Variants in SFMBT2 observed in about 807,000 individuals in gnomAD.
The protein encoded by SFMBT2 is Scm like with four mbt domains 2.
SFMBT2 carries 38 observed loss-of-function variants against 110.1 expected under a neutral mutation model. The ratio of observed to expected loss-of-function variants is 0.35; its 90% CI spans 0.27 to 0.45. The LOEUF (loss-of-function observed/expected upper bound fraction) is 0.45, where lower values mean the gene tolerates loss of function less well. SFMBT2 is among the 20% of genes least tolerant of loss of function. The pLI, the probability that SFMBT2 is intolerant of heterozygous loss-of-function variation, is 1.00. For missense variants in SFMBT2, 1,011 were observed against 1,094.9 expected (o/e 0.92, Z 1.08); for synonymous variants, 425 against 425.4 (o/e 1.00, Z 0.01).
At position 7,199,005 on chromosome 10, in the gene SFMBT2, G is replaced by T. The variant is rs995194195; in HGVS notation, c.1559-1318C>A. Among the ~76,000 whole-genome samples, 9 of 152,292 alleles carry T rather than the reference G, an allele frequency of 5.9e-5. No individual in the cohort carries two copies. In the East Asian group the frequency reaches 7.7e-4, roughly 13 times the overall value. ...TGTTTTGTTTTGTTTTTGAGACAGGGTCTCACTTTGTTGCCCAGGCTGGAA... is the reference window on the plus strand; with the variant it reads ...TGTTTTGTTTTGTTTTTGAGACAGGTTCTCACTTTGTTGCCCAGGCTGGAA... On this transcript the variant is annotated intron_variant, in intron 14 of 20. Coordinates refer to ENST00000397167, the MANE Select transcript of SFMBT2 (RefSeq NM_001387889.1).
At chr10:7,261,757 T>C (rs960674148) in intron 7 of SFMBT2, among the ~76,000 whole-genome samples, 2 of 152,252 alleles carry the variant, frequency 1.3e-5, no homozygotes, top group Non-Finnish European at 2.9e-5. Flanking sequence ...CATATATTCA[T>C]GTAAAGGTTT....
chr10:7,380,473 G>A (rs1478348269), intron 2 of SFMBT2, among the ~76,000 whole-genome samples: 1 of 152,152 alleles, frequency 6.6e-6, no homozygotes, highest in Non-Finnish European at 1.5e-5. Flanking sequence ...CCTGTAATCT[G>A]TCATTGACTA....
At chr10:7,204,865 C>G (rs1355119177) in intron 12 of SFMBT2, 1 of 895,398 alleles carries the variant, frequency 1.1e-6, no homozygotes, top group Non-Finnish European at 1.3e-6. Context: ...AAGAGCGAAA[C>G]TCCATCTTTA....
At chr10:7,319,378 C>G (rs1393205055) in intron 4 of SFMBT2, among the ~76,000 whole-genome samples, 1 of 152,158 alleles carries the variant, frequency 6.6e-6, no homozygotes, top group Admixed American at 6.5e-5. Flanking sequence ...TGTCACAGAG[C>G]TGCAAACACA....
intron 1 of SFMBT2, among the ~76,000 whole-genome samples, chr10:7,402,286 CA>C (rs1360925592): frequency 1.3e-5 from 2 of 152,222 alleles, no homozygotes; most frequent in South Asian, 4.1e-4. Context: ...GTCCCAGTGC[CA>C]AAAGCTTAAG....
intron 1 of SFMBT2, among the ~76,000 whole-genome samples, chr10:7,400,274 G>A (rs1846038539): frequency 6.6e-6 from 1 of 152,174 alleles, no homozygotes; most frequent in African/African-American, 2.4e-5. Context: ...CCAGCTCTCT[G>A]GGAAGCGCAC....
At chr10:7,213,160 T>A (rs1353894856) in intron 11 of SFMBT2, among the ~76,000 whole-genome samples, 1 of 152,054 alleles carries the variant, frequency 6.6e-6, no homozygotes, top group Non-Finnish European at 1.5e-5. Flanking sequence ...GACGGGTTGA[T>A]GGGTGCAGCA....
At position 7,165,145 on chromosome 10, in the gene SFMBT2, C is replaced by G. The variant is rs1482294156; in HGVS notation, c.2545-1235G>C. On this transcript the variant is annotated intron_variant, in intron 20 of 20. Coordinates refer to ENST00000397167, the MANE Select transcript of SFMBT2 (RefSeq NM_001387889.1). ...AGTCACTGAGGGGTCTGAGAGATTG[C>G]AGGCCCCAGGCAATGATGATCAGTG... is the stretch of plus-strand genomic sequence containing the variant. Among the ~76,000 whole-genome samples the G allele has an allele frequency of 2.0e-5, 3 of 152,140 alleles. No homozygotes were observed. The East Asian group carries it at 5.8e-4, about 29-fold the overall frequency.
Position 7,170,992 on chromosome 10 carries a change from G to A in SFMBT2, c.2480C>T (p.Thr827Ile), listed in dbSNP as rs748417020. The change falls in exon 20 of 21, where the codon ACC (threonine) becomes ATC (isoleucine). Residue 827 changes from threonine to isoleucine, a missense_variant. By Grantham distance (89) the Thr-to-Ile change is moderately conservative (BLOSUM62 -1). Coordinates refer to ENST00000397167, the MANE Select transcript of SFMBT2 (RefSeq NM_001387889.1). The surrounding 1 kb of genome is among the most constrained non-coding windows in gnomAD (Gnocchi z 4.6). ...LESNPLEWTVTDVVRFIKLTD... is the reference protein window; with the variant it reads ...LESNPLEWTVIDVVRFIKLTD... ...CAGCTTAATGAACCTCACCACGTCG[G>A]TGACCGTCCACTCCAACGGGTTGCT... 3.3e-5 allele frequency: 54 copies of A among 1,614,072 alleles called. No homozygotes were observed. The highest frequency in any genetic ancestry group is 4.4e-5 in the Non-Finnish European group (52 of 1,180,042).
rs1444590752 is a variant in SFMBT2, at chr10:7,161,170, C to T, written c.*2600G>A. The T allele has an allele frequency of 1.3e-5, 2 of 152,236 alleles. No individual in the cohort carries two copies. Among genetic ancestry groups the T allele is most frequent in the Non-Finnish European group, 2.9e-5 (2 of 68,050 alleles). The allele number at this position is 152,236 out of a possible 1,614,324, so 9.4% of individuals were successfully genotyped here. On this transcript the variant is annotated 3_prime_UTR_variant, in exon 21 of 21. Coordinates refer to ENST00000397167, the MANE Select transcript of SFMBT2 (RefSeq NM_001387889.1). ...CCCCTGCGACAGTGGCTGTATCCTT[C>T]CTGAGCTCCTGGCGGGCCACACACT...
chr10:7,411,181 G>A (rs1018349375), upstream of SFMBT2, among the ~76,000 whole-genome samples: 4 of 143,324 alleles, frequency 2.8e-5, no homozygotes, highest in Non-Finnish European at 6.0e-5. Flanking sequence ...AATTTCTTAA[G>A]CCAATTAGCC....
At chr10:7,396,599 T>C (rs1845933246) in intron 1 of SFMBT2, among the ~76,000 whole-genome samples, 1 of 152,136 alleles carries the variant, frequency 6.6e-6, no homozygotes. Flanking sequence ...AGTTCATAAA[T>C]TCTCTCCTTC....
intron 1 of SFMBT2, among the ~76,000 whole-genome samples, chr10:7,394,242 A>G (rs962408865): frequency 2.6e-5 from 4 of 152,068 alleles, no homozygotes; most frequent in African/African-American, 9.7e-5. Context: ...ACGCCCAGTG[A>G]GATGATTTTT....
At chr10:7,335,207 G>A (rs778611237) in intron 4 of SFMBT2, among the ~76,000 whole-genome samples, 8 of 152,142 alleles carry the variant, frequency 5.3e-5, no homozygotes, top group East Asian at 1.9e-4. Context: ...AAAGCACTCC[G>A]GCCCATGGTG....
intron 7 of SFMBT2, among the ~76,000 whole-genome samples, chr10:7,251,432 C>T (rs927038279): frequency 3.3e-5 from 5 of 152,194 alleles, no homozygotes; most frequent in East Asian, 1.9e-4. Flanking sequence ...CGAGATCACA[C>T]CATTGCACTC....
At chr10:7,235,411 G>A (rs10905128) in intron 9 of SFMBT2, among the ~76,000 whole-genome samples, 39,344 of 151,878 alleles carry the variant, frequency 0.26, 5,297 homozygotes, top group South Asian at 0.38. Context: ...GCAGAGAAAT[G>A]AACTTTAATG....
At chr10:7,310,742 G>A (rs994103921) in intron 4 of SFMBT2, among the ~76,000 whole-genome samples, 2 of 152,116 alleles carry the variant, frequency 1.3e-5, no homozygotes, top group African/African-American at 2.4e-5. Flanking sequence ...AAAAGGCTTC[G>A]TGTGCAAAAA....
intron 4 of SFMBT2, among the ~76,000 whole-genome samples, chr10:7,365,672 C>T (rs2132046714): frequency 6.6e-6 from 1 of 152,302 alleles, no homozygotes; most frequent in Admixed American, 6.5e-5. Context: ...CTGACACAAG[C>T]TACCATGGGG....
chr10:7,355,330 C>A (rs955506824), intron 4 of SFMBT2, among the ~76,000 whole-genome samples: 1 of 151,896 alleles, frequency 6.6e-6, no homozygotes, highest in African/African-American at 2.4e-5. Flanking sequence ...AATATTTTAT[C>A]TATTTTTTCA....
Sources: gnomAD v4.1 joint callset for allele counts (sites outside exome capture counted in the v4.1 genomes callset) on GRCh38, gnomAD v4.1.1 for gene constraint, Gnocchi (gnomAD v3.1) non-coding constraint, MANE v1.5 for transcripts, NCBI Gene and HGNC (gene_info 2026-07-23, HGNC 2026-07-21) for gene names.